Variants in FIRRM observed in about 807,000 individuals in gnomAD.
FIRRM encodes the protein FIGNL1 interacting regulator of recombination and mitosis.
At chr1:169,825,174 A>G in the FIRRM span, among the ~76,000 whole-genome samples, 2 of 152,186 alleles carry the variant, frequency 1.3e-5, no homozygotes, top group Non-Finnish European at 2.9e-5. Context: ...TGGATTTTGC[A>G]AAAAACTTTC....
the FIRRM span, chr1:169,849,485 G>A: frequency 1.3e-6 from 2 of 1,585,492 alleles, no homozygotes; most frequent in Non-Finnish European, 1.7e-6. Context: ...TTATAATAAG[G>A]CTTGGTTCTT....
chr1:169,802,780 AT>A, the FIRRM span: 2 of 991,368 alleles, frequency 2.0e-6, no homozygotes, highest in Non-Finnish European at 3.2e-6. Context: ...GAATGTCAAA[AT>A]TTTTATACTG....
chr1:169,827,289 G>GA, the FIRRM span: 11 of 1,094,810 alleles, frequency 1.0e-5, no homozygotes, highest in Non-Finnish European at 1.4e-5. Flanking sequence ...TTACAATTAA[G>GA]AAATTTTTAT....
the FIRRM span, chr1:169,804,036 G>T: frequency 7.4e-7 from 1 of 1,352,466 alleles, no homozygotes; most frequent in Non-Finnish European, 9.7e-7. Flanking sequence ...CTTGAGCTTT[G>T]ATTTGTTTTT....
chr1:169,846,802 A>G, the FIRRM span, among the ~76,000 whole-genome samples: 1 of 152,324 alleles, frequency 6.6e-6, no homozygotes, highest in East Asian at 1.9e-4. Flanking sequence ...TTCCGTGTTC[A>G]TTGGAATAGC....
the FIRRM span, among the ~76,000 whole-genome samples, chr1:169,825,105 C>T: frequency 6.6e-6 from 1 of 152,218 alleles, no homozygotes; most frequent in Non-Finnish European, 1.5e-5. Flanking sequence ...CACACGTACA[C>T]GCACTTCTCA....
the FIRRM span, chr1:169,802,471 A>G: frequency 2.6e-4 from 128 of 495,870 alleles, no homozygotes; most frequent in African/African-American, 2.4e-3. Context: ...TTTTGTGCTT[A>G]ATTAGGTACA....
chr1:169,806,022 A>G, the FIRRM span: 1 of 1,600,756 alleles, frequency 6.2e-7, no homozygotes, highest in Non-Finnish European at 8.5e-7. Flanking sequence ...TCTTTATTGG[A>G]TATCTGCTCT....
the FIRRM span, among the ~76,000 whole-genome samples, chr1:169,818,552 T>A: frequency 2.6e-5 from 4 of 152,230 alleles, no homozygotes; most frequent in Non-Finnish European, 4.4e-5. Flanking sequence ...ACTTTTTACT[T>A]TTCTGACAAA....
At chr1:169,851,648 AG>A in the FIRRM span, 184 of 751,732 alleles carry the variant, frequency 2.4e-4, 1 homozygote, top group East Asian at 5.0e-3. Context: ...AGAACACAGT[AG>A]AGTGATTTAA....
chr1:169,800,561 GT>G, the FIRRM span, among the ~76,000 whole-genome samples: 1 of 151,968 alleles, frequency 6.6e-6, no homozygotes, highest in Non-Finnish European at 1.5e-5. Context: ...TAAAATTGGT[GT>G]TATATTTTGG....
At chr1:169,792,965 A>C in the FIRRM span, 3 of 1,614,000 alleles carry the variant, frequency 1.9e-6, no homozygotes, top group Non-Finnish European at 2.5e-6. Flanking sequence ...TGGCTCATTT[A>C]CATCATTTTC....
At chr1:169,832,375 A>G in the FIRRM span, 1 of 1,372,864 alleles carries the variant, frequency 7.3e-7, no homozygotes, top group East Asian at 2.3e-5. Context: ...TTCTGATTCT[A>G]AATTAGTCAG....
the FIRRM span, among the ~76,000 whole-genome samples, chr1:169,825,157 T>G: frequency 6.6e-6 from 1 of 152,218 alleles, no homozygotes; most frequent in Non-Finnish European, 1.5e-5. Context: ...CCTATTATTT[T>G]CTTGCCTGGA....
chr1:169,824,040 A>G, the FIRRM span, among the ~76,000 whole-genome samples: 108 of 152,326 alleles, frequency 7.1e-4, no homozygotes, highest in African/African-American at 2.5e-3. Flanking sequence ...TTGCAGCTTC[A>G]TAATTCATTT....
chr1:169,849,705 G>T, the FIRRM span: 1 of 887,460 alleles, frequency 1.1e-6, no homozygotes, highest in Non-Finnish European at 1.8e-6. Context: ...CTTCTGTATT[G>T]CAATCGGAAA....
the FIRRM span, among the ~76,000 whole-genome samples, chr1:169,848,408 TCTAGTA>T: frequency 1.3e-5 from 2 of 152,182 alleles, no homozygotes; most frequent in South Asian, 4.1e-4. Context: ...ATTTAGTAAT[TCTAGTA>T]ATTGACACTT....
the FIRRM span, among the ~76,000 whole-genome samples, chr1:169,800,193 G>T: frequency 6.6e-6 from 1 of 152,078 alleles, no homozygotes; most frequent in Non-Finnish European, 1.5e-5. Flanking sequence ...GCTACCATGC[G>T]TGGCTAATTT....
At chr1:169,799,582 C>T in the FIRRM span, among the ~76,000 whole-genome samples, 12 of 152,018 alleles carry the variant, frequency 7.9e-5, no homozygotes, top group Non-Finnish European at 1.5e-4. Flanking sequence ...GTTGGAGTCT[C>T]GTTTTGTCAC....
Sources: allele counts gnomAD v4.1 joint callset (sites outside exome capture counted in the v4.1 genomes callset), GRCh38; gene constraint gnomAD v4.1.1; transcripts MANE v1.5; gene names NCBI Gene and HGNC (gene_info 2026-07-23, HGNC 2026-07-21).